The following SV2C variants were observed in gnomAD, a reference collection of about 807,000 sequenced individuals.
SV2C encodes the protein synaptic vesicle glycoprotein 2C, also known as solute carrier family 22 member B3.
In SV2C, 49 loss-of-function variants were observed where a neutral mutation model predicts 79.7. The observed-to-expected ratio is 0.61, with a 90% confidence interval of 0.49 to 0.78. SV2C has a LOEUF of 0.78. SV2C is among the 30% of genes least tolerant of loss of function. The pLI is 0.00. For missense variants in SV2C, 833 were observed against 912.9 expected (o/e 0.91, Z 1.13); for synonymous variants, 334 against 333.2 (o/e 1.00, Z -0.03).
chr5:75,977,868 T>C, the SV2C span, among the ~76,000 whole-genome samples: 1 of 152,176 alleles, frequency 6.6e-6, no homozygotes, highest in Non-Finnish European at 1.5e-5. Context: ...TTATCACATT[T>C]TCCTGCTCTG....
chr5:76,248,433 G>A (rs913920583), intron 4 of SV2C, among the ~76,000 whole-genome samples: 9 of 152,084 alleles, frequency 5.9e-5, no homozygotes, highest in Non-Finnish European at 1.0e-4. Flanking sequence ...GACACCAGTC[G>A]TATTGAATTC....
At chr5:76,339,009 G>A (rs911450836) in intron 12 of SV2C, among the ~76,000 whole-genome samples, 1 of 149,152 alleles carries the variant, frequency 6.7e-6, no homozygotes, top group Admixed American at 6.6e-5. Context: ...TCCAAACTGA[G>A]GACTGGAAGC....
At chr5:75,899,884 G>A in the SV2C span, among the ~76,000 whole-genome samples, 1 of 151,960 alleles carries the variant, frequency 6.6e-6, no homozygotes, top group Non-Finnish European at 1.5e-5. Flanking sequence ...GACTAGGATT[G>A]CAACCCCTGC....
intron 4 of SV2C, among the ~76,000 whole-genome samples, chr5:76,264,098 T>C (rs1746566330): frequency 6.6e-6 from 1 of 152,108 alleles, no homozygotes; most frequent in Non-Finnish European, 1.5e-5. Context: ...TCTTTTCACA[T>C]AGTCCCCTAT....
the SV2C span, among the ~76,000 whole-genome samples, chr5:75,998,610 G>A: frequency 2.0e-5 from 3 of 151,992 alleles, no homozygotes; most frequent in Non-Finnish European, 4.4e-5. Context: ...ATGATAGTGT[G>A]TGTGTGTATG....
intron 12 of SV2C, among the ~76,000 whole-genome samples, chr5:76,317,508 G>T (rs1748668509): frequency 6.6e-6 from 1 of 151,120 alleles, no homozygotes. Context: ...GCTAAGTCTG[G>T]ATCTACACCA....
chr5:75,929,971 A>G, the SV2C span, among the ~76,000 whole-genome samples: 1 of 152,238 alleles, frequency 6.6e-6, no homozygotes, highest in Non-Finnish European at 1.5e-5. Context: ...ACCTACAAAA[A>G]TAAATGTTTA....
At chr5:76,173,704 G>T in intron 2 of SV2C, 1 of 1,613,620 alleles carries the variant, frequency 6.2e-7, no homozygotes, top group African/African-American at 1.3e-5. Flanking sequence ...GCCGCACTAG[G>T]TCATAAAAGA....
chr5:76,310,204 A>T (rs1413562194), intron 12 of SV2C, among the ~76,000 whole-genome samples: 1 of 152,268 alleles, frequency 6.6e-6, no homozygotes, highest in Non-Finnish European at 1.5e-5. Flanking sequence ...ACAGATAAGT[A>T]AAGTAGATGT....
Position 76,166,403 on chromosome 5 carries a change from T to A in SV2C, c.581-28516T>A, listed in dbSNP as rs60118131. ...TATTTGGTAGCTAAACATCTTTGCT[T>A]AGCCAAGATCTGATTGTAAAGAGAT... On this transcript the variant is annotated intron_variant, in intron 2 of 12. Coordinates refer to ENST00000502798, the MANE Select transcript of SV2C (RefSeq NM_014979.4). Among the ~76,000 whole-genome samples the A allele has an allele frequency of 6.3e-3, 952 of 152,304 alleles. 13 individuals are homozygous for A. The highest frequency in any genetic ancestry group is 0.022 in the African/African-American group (913 of 41,554).
At chr5:76,174,848 T>C (rs1394546440) in intron 2 of SV2C, among the ~76,000 whole-genome samples, 1 of 152,264 alleles carries the variant, frequency 6.6e-6, no homozygotes, top group Non-Finnish European at 1.5e-5. Flanking sequence ...CCAACGCTGA[T>C]GCTGGAGGCA....
intron 2 of SV2C, among the ~76,000 whole-genome samples, chr5:76,135,034 G>A (rs1162989782): frequency 6.6e-6 from 1 of 152,192 alleles, no homozygotes; most frequent in Non-Finnish European, 1.5e-5. Flanking sequence ...GAGACTTCGA[G>A]CAGGGAGAAC....
chr5:76,207,433 TATTAA>T (rs1188285076), intron 3 of SV2C, among the ~76,000 whole-genome samples: 1 of 152,232 alleles, frequency 6.6e-6, no homozygotes, highest in African/African-American at 2.4e-5. Flanking sequence ...AAAGGAGTAG[TATTAA>T]ATTATTTGTG....
chr5:75,900,930 C>T, the SV2C span, among the ~76,000 whole-genome samples: 1 of 152,210 alleles, frequency 6.6e-6, no homozygotes, highest in Non-Finnish European at 1.5e-5. Context: ...TGGTTTTCAG[C>T]TCCATCAGCT....
intron 2 of SV2C, among the ~76,000 whole-genome samples, chr5:76,155,757 A>C (rs970363922): frequency 1.3e-5 from 2 of 152,002 alleles, no homozygotes; most frequent in Non-Finnish European, 2.9e-5. Flanking sequence ...GAACTCAGCT[A>C]TAAGAGTAGG....
At chr5:75,875,241 C>T in the SV2C span, among the ~76,000 whole-genome samples, 2 of 151,962 alleles carry the variant, frequency 1.3e-5, no homozygotes, top group Non-Finnish European at 1.5e-5. Flanking sequence ...GCACATAGAC[C>T]AATAGAACAG....
chr5:75,891,696 T>C, the SV2C span, among the ~76,000 whole-genome samples: 3 of 152,176 alleles, frequency 2.0e-5, no homozygotes, highest in African/African-American at 7.2e-5. Flanking sequence ...AAATCCATTT[T>C]CTTTCATTTG....
At chr5:76,121,299 T>G (rs1332177229) in intron 1 of SV2C, among the ~76,000 whole-genome samples, 3 of 152,166 alleles carry the variant, frequency 2.0e-5, no homozygotes, top group Admixed American at 6.5e-5. Context: ...TTGCAAAAAT[T>G]TTCTCCCATC....
At chr5:76,095,295 C>G (rs932597770) in intron 1 of SV2C, among the ~76,000 whole-genome samples, 12 of 152,008 alleles carry the variant, frequency 7.9e-5, no homozygotes, top group Admixed American at 3.3e-4. Flanking sequence ...ATTACTGATA[C>G]ATTATTATTA....
Sources: allele counts gnomAD v4.1 joint callset (sites outside exome capture counted in the v4.1 genomes callset), GRCh38; gene constraint gnomAD v4.1.1; transcripts MANE v1.5; gene names NCBI Gene and HGNC (gene_info 2026-07-23, HGNC 2026-07-21).